The following ST6GALNAC5 variants were observed in gnomAD, a reference collection of about 807,000 sequenced individuals.
ST6GALNAC5 encodes the protein ST6 N-acetylgalactosaminide alpha-2,6-sialyltransferase 5, also known as alpha-N-acetylgalactosaminide alpha-2,6-sialyltransferase 5.
Under a neutral mutation model 33.6 loss-of-function variants are expected in ST6GALNAC5, and 27 were observed. That is an observed-to-expected ratio of 0.80 (90% confidence interval 0.59 to 1.11). ST6GALNAC5 has a LOEUF of 1.11. Among genes scored for constraint, ST6GALNAC5 ranks in the 50% least tolerant of loss-of-function variants. The pLI, the probability that ST6GALNAC5 is intolerant of heterozygous loss-of-function variation, is 0.00. For missense variants in ST6GALNAC5, 428 were observed against 454.0 expected, an observed-to-expected ratio of 0.94 and a Z score of 0.52; for synonymous variants, 194 against 171.2, an observed-to-expected ratio of 1.13 and a Z score of -1.04.
At chr1:76,885,380 A>T (rs1653870381) in intron 2 of ST6GALNAC5, among the ~76,000 whole-genome samples, 1 of 152,234 alleles carries the variant, frequency 6.6e-6, no homozygotes, top group Non-Finnish European at 1.5e-5. Context: ...ACAATTATTC[A>T]TAAATCTACC....
intron 2 of ST6GALNAC5, among the ~76,000 whole-genome samples, chr1:76,933,879 T>C (rs1328131026): frequency 6.6e-6 from 1 of 151,946 alleles, no homozygotes; most frequent in Non-Finnish European, 1.5e-5. Context: ...AATAATCCTC[T>C]TACTGCACTG....
At chr1:76,898,595 C>T (rs1557714501) in intron 2 of ST6GALNAC5, among the ~76,000 whole-genome samples, 1 of 152,104 alleles carries the variant, frequency 6.6e-6, no homozygotes, top group South Asian at 2.1e-4. Flanking sequence ...ATGAACTGGG[C>T]TGGGTTTTTC....
intron 2 of ST6GALNAC5, among the ~76,000 whole-genome samples, chr1:76,957,299 A>G (rs1648041348): frequency 6.6e-6 from 1 of 152,072 alleles, no homozygotes; most frequent in South Asian, 2.1e-4. Context: ...CTTGGCTTGT[A>G]GAGGCATTCC....
chr1:77,044,752 G>A, intron 3 of ST6GALNAC5, 139 bp downstream of exon 3: 1 of 1,032,784 alleles, frequency 9.7e-7, no homozygotes, highest in Non-Finnish European at 1.4e-6. Flanking sequence ...TCACTTGTAG[G>A]GTCCTCTGCG....
rs1382838493 is a variant in ST6GALNAC5, at chr1:77,000,296, G to A, written c.262-43908G>A. ...TGGCTGCATAAATGTCTTCTTTTGAGAAGTGTCTGTTCATGTCCTTTGCCC... is the reference window on the plus strand; with the variant it reads ...TGGCTGCATAAATGTCTTCTTTTGAAAAGTGTCTGTTCATGTCCTTTGCCC... On this transcript the variant is annotated intron_variant, in intron 2 of 4. Coordinates refer to ENST00000477717, the MANE Select transcript of ST6GALNAC5 (RefSeq NM_030965.3). 6.6e-5 allele frequency among the ~76,000 whole-genome samples: 8 copies of A among 121,172 alleles called. 3 individuals carry two copies. Among genetic ancestry groups the A allele is most frequent in the African/African-American group, 1.5e-4 (6 of 39,192 alleles). The allele number at this position is 121,172 out of a possible 152,430, so 79.5% of individuals were successfully genotyped here. A position where few individuals can be genotyped will look rare whatever the true frequency, so the allele number is the denominator to read the frequency against.
intron 2 of ST6GALNAC5, among the ~76,000 whole-genome samples, chr1:77,028,346 G>T (rs1651325711): frequency 6.6e-6 from 1 of 152,162 alleles, no homozygotes; most frequent in Admixed American, 6.5e-5. Context: ...TCTCACTGGA[G>T]GTTGGAAAAA....
At chr1:76,934,359 G>T (rs1176100107) in intron 2 of ST6GALNAC5, among the ~76,000 whole-genome samples, 1 of 151,986 alleles carries the variant, frequency 6.6e-6, no homozygotes. Context: ...GAGGGGAGCT[G>T]GCAGTTGAAT....
At chr1:76,993,619 A>G (rs1381756805) in intron 2 of ST6GALNAC5, among the ~76,000 whole-genome samples, 1 of 152,150 alleles carries the variant, frequency 6.6e-6, no homozygotes, top group East Asian at 1.9e-4. Flanking sequence ...AAATCTCTGA[A>G]ATTTCTTTTT....
At chr1:77,038,837 T>A (rs564605666) in intron 2 of ST6GALNAC5, among the ~76,000 whole-genome samples, 2 of 152,314 alleles carry the variant, frequency 1.3e-5, no homozygotes, top group African/African-American at 4.8e-5. Context: ...CGCTATTCCA[T>A]TATTTTAGGT....
At chr1:76,972,676 G>T (rs1648811031) in intron 2 of ST6GALNAC5, among the ~76,000 whole-genome samples, 1 of 152,106 alleles carries the variant, frequency 6.6e-6, no homozygotes, top group African/African-American at 2.4e-5. Context: ...ATTATCTGTA[G>T]AATAAATTTC....
At chr1:76,925,437 T>A (rs938149907) in intron 2 of ST6GALNAC5, among the ~76,000 whole-genome samples, 14 of 152,098 alleles carry the variant, frequency 9.2e-5, no homozygotes, top group African/African-American at 3.4e-4. Context: ...CAGAGCTGAG[T>A]CCATTTTCCT....
chr1:76,966,770 C>G (rs1648506447), intron 2 of ST6GALNAC5, among the ~76,000 whole-genome samples: 1 of 152,160 alleles, frequency 6.6e-6, no homozygotes, highest in Non-Finnish European at 1.5e-5. Flanking sequence ...GAGATACGTT[C>G]CATCAATACC....
chr1:76,951,021 C>A (rs1240049052), intron 2 of ST6GALNAC5, among the ~76,000 whole-genome samples: 1 of 151,938 alleles, frequency 6.6e-6, no homozygotes, highest in Non-Finnish European at 1.5e-5. Flanking sequence ...ACTTGTAAAC[C>A]TGGTATCTAA....
rs1235074422 is a variant in ST6GALNAC5, at chr1:76,868,309, G to A, written c.16-188G>A. Among the ~76,000 whole-genome samples the A allele has an allele frequency of 6.6e-6, 1 of 151,868 alleles. No individual in the cohort carries two copies. Among genetic ancestry groups the A allele is most frequent in the African/African-American group, 2.4e-5 (1 of 41,356 alleles). On this transcript the variant is annotated intron_variant, in intron 1 of 4. Transcript: ENST00000477717. This position sits in a 1 kb window ranked among gnomAD's most constrained non-coding sequence, Gnocchi z 4.3. Reference sequence around the variant, plus strand: ...GGCGGCCGAAAGCAGCGACGCGCCCGGAGCATCCCTTGCGATACGCTAGGG... The same window carrying A: ...GGCGGCCGAAAGCAGCGACGCGCCCAGAGCATCCCTTGCGATACGCTAGGG...
chr1:76,999,390 G>C (rs996376003), intron 2 of ST6GALNAC5, among the ~76,000 whole-genome samples: 9 of 152,056 alleles, frequency 5.9e-5, no homozygotes, highest in Admixed American at 3.3e-4. Context: ...AAACAATTTG[G>C]GAGATGGGAT....
At chr1:76,889,183 G>A (rs532312353) in intron 2 of ST6GALNAC5, among the ~76,000 whole-genome samples, 2 of 151,944 alleles carry the variant, frequency 1.3e-5, no homozygotes, top group Admixed American at 6.6e-5. Context: ...ATAATTCAAG[G>A]ACCTTAGCAT....
intron 2 of ST6GALNAC5, among the ~76,000 whole-genome samples, chr1:77,028,687 G>A (rs1028610447): frequency 1.3e-5 from 2 of 152,222 alleles, no homozygotes; most frequent in Admixed American, 1.3e-4. Context: ...TAGCAGTGGA[G>A]GAGGTGGAAG....
At chr1:76,963,410 T>C (rs1648327664) in intron 2 of ST6GALNAC5, among the ~76,000 whole-genome samples, 2 of 152,208 alleles carry the variant, frequency 1.3e-5, no homozygotes, top group African/African-American at 4.8e-5. Flanking sequence ...GAATTGTGCA[T>C]GACCAAAGAC....
At chr1:76,964,377 A>T (rs1218341436) in intron 2 of ST6GALNAC5, among the ~76,000 whole-genome samples, 1 of 152,044 alleles carries the variant, frequency 6.6e-6, no homozygotes, top group Non-Finnish European at 1.5e-5. Context: ...GTGGCTCAAA[A>T]CTATCCAATG....
Sources: allele counts gnomAD v4.1 joint callset (sites outside exome capture counted in the v4.1 genomes callset), GRCh38; gene constraint gnomAD v4.1.1; non-coding constraint Gnocchi (gnomAD v3.1); transcripts MANE v1.5; gene names NCBI Gene and HGNC (gene_info 2026-07-23, HGNC 2026-07-21).